Variants in LYN observed in about 807,000 individuals in gnomAD.
LYN encodes the protein tyrosine-protein kinase Lyn.
LYN carries 12 observed loss-of-function variants against 65.0 expected under a neutral mutation model. That is an observed-to-expected ratio of 0.18 (90% CI 0.12 to 0.30). LYN has a LOEUF of 0.30. Among genes scored for constraint, LYN ranks in the 10% least tolerant of loss-of-function variants. The probability of loss-of-function intolerance (pLI) is 1.00; values close to 1 mark genes in which losing one functional copy is unlikely to be tolerated. For missense variants in LYN, 380 were observed against 623.2 expected (o/e 0.61, Z 4.16); for synonymous variants, 222 against 221.2 (o/e 1.00, Z -0.03).
At chr8:55,883,609 C>T (rs1175659891) in intron 1 of LYN, among the ~76,000 whole-genome samples, 1 of 152,206 alleles carries the variant, frequency 6.6e-6, no homozygotes, top group Non-Finnish European at 1.5e-5. Context: ...AAAGGACTTT[C>T]CCCGACCTGT....
chr8:55,941,191 T>C (rs1332030131), intron 1 of LYN, among the ~76,000 whole-genome samples: 1 of 152,126 alleles, frequency 6.6e-6, no homozygotes, highest in Non-Finnish European at 1.5e-5. Context: ...CACTCCACCT[T>C]GCACACTGCA....
intron 9 of LYN, among the ~76,000 whole-genome samples, chr8:55,969,123 A>G (rs1362293046): frequency 6.6e-6 from 1 of 152,152 alleles, no homozygotes; most frequent in Admixed American, 6.5e-5. Flanking sequence ...TCTACAAAAA[A>G]AAGAATTAGC....
chr8:55,945,206 C>T (rs927405239), intron 2 of LYN, among the ~76,000 whole-genome samples: 8 of 152,138 alleles, frequency 5.3e-5, no homozygotes, highest in Non-Finnish European at 8.8e-5. Context: ...ACATGTGTTT[C>T]GGTCTTATAA....
intron 1 of LYN, among the ~76,000 whole-genome samples, chr8:55,921,095 T>TA (rs1805934834): frequency 6.6e-6 from 1 of 152,242 alleles, no homozygotes; most frequent in African/African-American, 2.4e-5. Flanking sequence ...ATCGTCTAGA[T>TA]ACGTCTGAAA....
At chr8:55,955,336 A>G (rs1807076286) in intron 8 of LYN, 1 of 152,238 alleles carries the variant, frequency 6.6e-6, no homozygotes, top group Non-Finnish European at 1.5e-5. Context: ...GGTAAACTGT[A>G]ATTACATGAC....
intron 4 of LYN, among the ~76,000 whole-genome samples, chr8:55,948,950 ATCCTG>A (rs1379010690): frequency 6.6e-6 from 1 of 152,152 alleles, no homozygotes; most frequent in East Asian, 1.9e-4. Flanking sequence ...ACAGACAAGG[ATCCTG>A]TCTGTGTGTG....
At chr8:55,880,822 A>T (rs753348752) in intron 1 of LYN, among the ~76,000 whole-genome samples, 1 of 152,210 alleles carries the variant, frequency 6.6e-6, no homozygotes, top group Admixed American at 6.5e-5. Flanking sequence ...GGAAGGGCGT[A>T]AGAGTCAGTT....
At chr8:55,935,413 G>T (rs191437637) in intron 1 of LYN, among the ~76,000 whole-genome samples, 1 of 152,170 alleles carries the variant, frequency 6.6e-6, no homozygotes, top group Non-Finnish European at 1.5e-5. Context: ...GGTATGTAAG[G>T]CAAAAAATCT....
chr8:55,956,222 C>T (rs1807107301), intron 8 of LYN, among the ~76,000 whole-genome samples: 2 of 152,118 alleles, frequency 1.3e-5, no homozygotes, highest in Admixed American at 1.3e-4. Flanking sequence ...ATACCCTTCA[C>T]ATAGATTCAC....
chr8:55,963,115 C>T (rs1022340137), intron 8 of LYN, among the ~76,000 whole-genome samples: 3 of 152,224 alleles, frequency 2.0e-5, no homozygotes, highest in African/African-American at 7.2e-5. Flanking sequence ...AGAGGACAAA[C>T]ATCCAAACTA....
intron 1 of LYN, among the ~76,000 whole-genome samples, chr8:55,909,038 C>CTGT (rs1563504913): frequency 3.1e-5 from 2 of 64,452 alleles, no homozygotes; most frequent in African/African-American, 6.9e-5. Context: ...CACACACACA[C>CTGT]ACACACACAC....
At chr8:55,937,846 C>T (rs1806480675) in intron 1 of LYN, among the ~76,000 whole-genome samples, 1 of 152,142 alleles carries the variant, frequency 6.6e-6, no homozygotes, top group South Asian at 2.1e-4. Flanking sequence ...CAGACGGGTG[C>T]CACCACACCC....
chr8:55,977,951 G>T (rs773608708), intron 10 of LYN, among the ~76,000 whole-genome samples: 1 of 151,970 alleles, frequency 6.6e-6, no homozygotes, highest in Non-Finnish European at 1.5e-5. Flanking sequence ...AACAGAGCTC[G>T]TCTCTAAAGG....
At chr8:55,946,383 A>G (rs1806777988) in intron 2 of LYN, 65 bp from the exon 3 acceptor site, 2 of 1,020,598 alleles carry the variant, frequency 2.0e-6, no homozygotes, top group Non-Finnish European at 3.1e-6. Context: ...AATCATATAT[A>G]CAACACGAAT....
intron 9 of LYN, 23 bp downstream of exon 9, chr8:55,966,920 A>G: frequency 6.2e-7 from 1 of 1,601,234 alleles, no homozygotes; most frequent in Non-Finnish European, 8.5e-7. Context: ...CACTGCCCAG[A>G]GCTTGCAAGG....
chr8:55,898,417 T>C (rs13267131), intron 1 of LYN, among the ~76,000 whole-genome samples: 131,776 of 152,070 alleles, frequency 0.87, 57,190 homozygotes, highest in East Asian at 0.98. Flanking sequence ...GCCTCCCAAG[T>C]AGCTGAGACC....
At chr8:55,987,398 C>G (rs1808104931) in intron 10 of LYN, among the ~76,000 whole-genome samples, 1 of 143,634 alleles carries the variant, frequency 7.0e-6, no homozygotes, top group South Asian at 2.2e-4. Flanking sequence ...CAGAGTGAGA[C>G]TTCATCTCAA....
At chr8:55,999,609 T>C in intron 12 of LYN, 60 bp downstream of exon 12, 2 of 1,518,620 alleles carry the variant, frequency 1.3e-6, no homozygotes. Context: ...TCAGGTTGCA[T>C]GAAGGCATTA....
intron 8 of LYN, among the ~76,000 whole-genome samples, chr8:55,961,444 G>A (rs1585642046): frequency 6.6e-6 from 1 of 152,206 alleles, no homozygotes; most frequent in Admixed American, 6.5e-5. Flanking sequence ...CTTTAACAGA[G>A]GGATGAAAAC....
Sources: allele counts gnomAD v4.1 joint callset (sites outside exome capture counted in the v4.1 genomes callset), GRCh38; gene constraint gnomAD v4.1.1; transcripts MANE v1.5; gene names NCBI Gene and HGNC (gene_info 2026-07-23, HGNC 2026-07-21).